The following TRHDE variants were observed in gnomAD, a reference collection of about 807,000 sequenced individuals.
TRHDE encodes the protein thyrotropin releasing hormone degrading enzyme, also known as thyrotropin-releasing hormone-degrading ectoenzyme.
Under a neutral mutation model 125.7 loss-of-function variants are expected in TRHDE, and 72 were observed. The observed-to-expected ratio is 0.57, with a 90% CI of 0.47 to 0.70. The LOEUF (loss-of-function observed/expected upper bound fraction) is 0.70, where lower values mean the gene tolerates loss of function less well. Ranked by LOEUF, TRHDE falls within the 30% of genes least tolerant of loss-of-function variation. The pLI, the probability that TRHDE is intolerant of heterozygous loss-of-function variation, is 0.00. For synonymous variants in TRHDE, 509 were observed against 509.1 expected (o/e 1.00, Z 0.00); for missense variants, 1,110 against 1,327.1 (o/e 0.84, Z 2.54).
intron 2 of TRHDE, among the ~76,000 whole-genome samples, chr12:72,323,561 A>T (rs1869196112): frequency 6.6e-6 from 1 of 151,828 alleles, no homozygotes; most frequent in African/African-American, 2.4e-5. Context: ...TCCTGACTCT[A>T]CCCCCTCATC....
intron 12 of TRHDE, among the ~76,000 whole-genome samples, chr12:72,588,762 C>T (rs1871547713): frequency 6.6e-6 from 1 of 152,160 alleles, no homozygotes; most frequent in Non-Finnish European, 1.5e-5. Context: ...AGTCCATTCT[C>T]ATGCTGCTAT....
At chr12:72,241,150 G>A (rs763405404) in intron 2 of TRHDE, among the ~76,000 whole-genome samples, 32 of 152,032 alleles carry the variant, frequency 2.1e-4, no homozygotes, top group Non-Finnish European at 4.0e-4. Context: ...GTGTCTAATC[G>A]ATTCCACTTA....
At chr12:72,400,208 A>G (rs1032033168) in intron 3 of TRHDE, among the ~76,000 whole-genome samples, 2 of 152,140 alleles carry the variant, frequency 1.3e-5, no homozygotes, top group Non-Finnish European at 1.5e-5. Flanking sequence ...GAATTTTTAC[A>G]GTGAAAATTT....
Position 72,238,711 on chromosome 12 carries a change from A to G in TRHDE, n.279+132959A>G, listed in dbSNP as rs147675669. Among the ~76,000 whole-genome samples the G allele has an allele frequency of 8.8e-3, 1,337 of 152,188 alleles. 20 individuals are homozygous for G. Among genetic ancestry groups the G allele is most frequent in the African/African-American group, 0.03 (1,247 of 41,514 alleles). ...TTCCAGCTTCATCCATGTCCCTGCA[A>G]AAGACATGAACTCATCCTTTTTTAT... is the stretch of plus-strand genomic sequence containing the variant. On this transcript the variant is annotated intron_variant and non_coding_transcript_variant, in intron 2 of 4. Coordinates refer to the TRHDE transcript ENST00000548156.
At chr12:72,582,892 T>G (rs1871295936) in intron 12 of TRHDE, among the ~76,000 whole-genome samples, 1 of 152,152 alleles carries the variant, frequency 6.6e-6, no homozygotes, top group African/African-American at 2.4e-5. Flanking sequence ...CGTTTCAAAA[T>G]TATTTATTTA....
At chr12:72,351,280 T>G (rs944629235) in intron 2 of TRHDE, among the ~76,000 whole-genome samples, 2 of 152,000 alleles carry the variant, frequency 1.3e-5, no homozygotes, top group Non-Finnish European at 1.5e-5. Context: ...TATATTGGTC[T>G]GCAAAATTAG....
intron 5 of TRHDE, among the ~76,000 whole-genome samples, chr12:72,484,821 C>T (rs950667269): frequency 2.0e-5 from 3 of 152,110 alleles, no homozygotes; most frequent in African/African-American, 7.2e-5. Flanking sequence ...GTGCTCTTTT[C>T]CCCCACAAGA....
intron 2 of TRHDE, among the ~76,000 whole-genome samples, chr12:72,168,039 T>C (rs984385953): frequency 6.6e-5 from 10 of 152,316 alleles, no homozygotes; most frequent in African/African-American, 1.9e-4. Context: ...GCTACAACAC[T>C]AGTCATTGTA....
At chr12:72,580,009 T>C (rs918982816) in intron 12 of TRHDE, among the ~76,000 whole-genome samples, 1 of 152,204 alleles carries the variant, frequency 6.6e-6, no homozygotes, top group Non-Finnish European at 1.5e-5. Context: ...TTTTATCTTG[T>C]TCTTATTCAG....
chr12:72,647,338 G>C (rs558319640), intron 15 of TRHDE, among the ~76,000 whole-genome samples: 1 of 151,960 alleles, frequency 6.6e-6, no homozygotes, highest in South Asian at 2.1e-4. Flanking sequence ...AGTACTAAGA[G>C]GGAAGTTTAT....
chr12:72,293,345 T>A (rs1880161959), intron 2 of TRHDE, among the ~76,000 whole-genome samples: 1 of 152,164 alleles, frequency 6.6e-6, no homozygotes. Flanking sequence ...AAGTTTTTAG[T>A]TTAATTAAGT....
Position 72,272,697 on chromosome 12 carries a change from G to A in TRHDE, c.54G>A (p.Lys18=). 7.2e-7 allele frequency: 1 copy of A among 1,383,794 alleles called. No homozygotes were observed. The highest frequency in any genetic ancestry group is 9.5e-7 in the Non-Finnish European group (1 of 1,055,510). 85.7% of individuals were successfully genotyped at this position (1,383,794 alleles called of 1,614,324 possible). A position where few individuals can be genotyped will look rare whatever the true frequency, so the allele number is the denominator to read the frequency against. The change falls in exon 1 of 19, where the codon AAG becomes AAA. Residue 18 remains lysine (K), a synonymous_variant. Coordinates refer to ENST00000261180, the MANE Select transcript of TRHDE (RefSeq NM_013381.3). This position sits in a 1 kb window ranked among gnomAD's most constrained non-coding sequence, Gnocchi z 6.7. ...AAGAGGAGGAGAAGAAAAAGAAGAA[G>A]AAAAAGAAGAGGAAGAAGAAGAAGG... ...GEQEEEKKKK[K]KKKRKKKKEE...
chr12:72,378,802 CT>C (rs368766164), intron 3 of TRHDE, among the ~76,000 whole-genome samples: 35 of 152,226 alleles, frequency 2.3e-4, no homozygotes, highest in African/African-American at 7.9e-4. Context: ...AGAGAATGCA[CT>C]TGGTAATTGT....
intron 2 of TRHDE, among the ~76,000 whole-genome samples, chr12:72,144,180 T>C (rs1876176312): frequency 6.6e-6 from 1 of 152,182 alleles, no homozygotes; most frequent in African/African-American, 2.4e-5. Context: ...TCATTGCTTC[T>C]AGGGAGGACA....
rs567303925 is a variant in TRHDE, at chr12:72,100,564, A to G, written n.175-5084A>G. Reference sequence around the variant, plus strand: ...ACTGTGGTGTGTTTGCTGTTGTCATAGTTATTTATCTTCTGTGGACATCCC... The same window carrying G: ...ACTGTGGTGTGTTTGCTGTTGTCATGGTTATTTATCTTCTGTGGACATCCC... On this transcript the variant is annotated intron_variant and non_coding_transcript_variant, in intron 1 of 4. Transcript: ENST00000548156. Among the ~76,000 whole-genome samples the G allele has an allele frequency of 3.9e-5, 6 of 152,350 alleles. No homozygotes were observed. The South Asian group carries it at 1.2e-3, about 32-fold the overall frequency.
At chr12:72,201,964 A>T (rs1877568637) in intron 2 of TRHDE, among the ~76,000 whole-genome samples, 1 of 152,222 alleles carries the variant, frequency 6.6e-6, no homozygotes, top group Non-Finnish European at 1.5e-5. Flanking sequence ...TTCCATTTTT[A>T]GTAATTCCAG....
chr12:72,496,538 A>G lies in TRHDE; in HGVS notation c.1585-2960A>G, dbSNP rs559625503. Reference sequence around the variant, plus strand: ...TGTAGGAAATAGCCCCCATGATTCAAGTATCTCCACCTGGCACCACCCTTG... The same window carrying G: ...TGTAGGAAATAGCCCCCATGATTCAGGTATCTCCACCTGGCACCACCCTTG... On this transcript the variant is annotated intron_variant, in intron 5 of 18. Coordinates refer to ENST00000261180, the MANE Select transcript of TRHDE (RefSeq NM_013381.3). 8.0e-4 allele frequency among the ~76,000 whole-genome samples: 122 copies of G among 152,250 alleles called. 1 individual carries two copies. Among genetic ancestry groups the G allele is most frequent in the African/African-American group, 2.9e-3 (120 of 41,552 alleles).
chr12:72,317,688 C>T (rs931158571), intron 2 of TRHDE, among the ~76,000 whole-genome samples: 7 of 152,012 alleles, frequency 4.6e-5, no homozygotes, highest in Admixed American at 3.9e-4. Context: ...AACATTTAAA[C>T]ATAGCAACAG....
At chr12:72,600,037 A>C (rs1236379579) in intron 12 of TRHDE, among the ~76,000 whole-genome samples, 1 of 152,100 alleles carries the variant, frequency 6.6e-6, no homozygotes, top group African/African-American at 2.4e-5. Context: ...AACTTTGTTA[A>C]AGATCAGATG....
Sources: gnomAD v4.1 joint callset for allele counts (sites outside exome capture counted in the v4.1 genomes callset) on GRCh38, gnomAD v4.1.1 for gene constraint, Gnocchi (gnomAD v3.1) non-coding constraint, MANE v1.5 for transcripts, NCBI Gene and HGNC (gene_info 2026-07-23, HGNC 2026-07-21) for gene names.